METTL15: variants seen among roughly 807,000 people sequenced by gnomAD.
The protein encoded by METTL15 is 12S rRNA N(4)-cytidine methyltransferase METTL15.
A neutral mutation model predicts 38.3 loss-of-function variants in METTL15; 34 were observed. The ratio of observed to expected loss-of-function variants is 0.89; its 90% confidence interval spans 0.68 to 1.18. The LOEUF (loss-of-function observed/expected upper bound fraction) is 1.18. Ranked by LOEUF, METTL15 falls within the 50% of genes most tolerant of loss-of-function variation. METTL15 has a pLI of 0.00. For synonymous variants in METTL15, 162 were observed against 170.9 expected (o/e 0.95, Z 0.41); for missense variants, 438 against 498.4 (o/e 0.88, Z 1.15).
chr11:28,159,398 A>G (rs953120933), intron 3 of METTL15, among the ~76,000 whole-genome samples: 1 of 151,982 alleles, frequency 6.6e-6, no homozygotes. Flanking sequence ...AGGCAGGACT[A>G]CAAGTGATCC....
At chr11:28,386,491 T>C (rs906398749) in intron 5 of METTL15, among the ~76,000 whole-genome samples, 2 of 151,918 alleles carry the variant, frequency 1.3e-5, no homozygotes, top group Admixed American at 6.6e-5. Context: ...AGAAAAACAT[T>C]ATATAATGAT....
At chr11:28,214,160 A>G (rs1445622774) in intron 4 of METTL15, among the ~76,000 whole-genome samples, 1 of 151,976 alleles carries the variant, frequency 6.6e-6, no homozygotes, top group Non-Finnish European at 1.5e-5. Context: ...CTTCTGCCTC[A>G]GCCTCTCAAG....
chr11:28,519,303 C>T (rs1851744360), intron 6 of METTL15: 1 of 152,318 alleles, frequency 6.6e-6, no homozygotes, highest in Non-Finnish European at 1.5e-5. Flanking sequence ...CGCCTGTAAT[C>T]CCAGCACTTC....
chr11:28,222,617 G>A (rs191793932), intron 4 of METTL15, among the ~76,000 whole-genome samples: 1 of 152,296 alleles, frequency 6.6e-6, no homozygotes, highest in African/African-American at 2.4e-5. Context: ...AGTTGGAAGT[G>A]CAGAAATCAT....
At chr11:28,256,839 A>G (rs1296600147) in intron 4 of METTL15, among the ~76,000 whole-genome samples, 1 of 152,070 alleles carries the variant, frequency 6.6e-6, no homozygotes, top group Non-Finnish European at 1.5e-5. Flanking sequence ...AGGCATTTAC[A>G]GCTGTAAAAT....
At chr11:28,457,985 C>T (rs1163697851) in intron 6 of METTL15, among the ~76,000 whole-genome samples, 1 of 152,068 alleles carries the variant, frequency 6.6e-6, no homozygotes, top group East Asian at 1.9e-4. Context: ...TGTAAAGCTC[C>T]CCCTCAGGGC....
At chr11:28,376,548 C>A (rs573356568) in intron 5 of METTL15, among the ~76,000 whole-genome samples, 1 of 152,090 alleles carries the variant, frequency 6.6e-6, no homozygotes, top group Non-Finnish European at 1.5e-5. Context: ...TTATTTTGAG[C>A]CTATGTGTGT....
At chr11:28,390,715 CTT>C (rs1020207180) in intron 5 of METTL15, among the ~76,000 whole-genome samples, 3 of 152,092 alleles carry the variant, frequency 2.0e-5, no homozygotes, top group African/African-American at 7.2e-5. Context: ...AATGCGGACT[CTT>C]TTTTGGTTCC....
At position 28,505,239 on chromosome 11, in the gene METTL15, A is replaced by G. The variant is rs537321456; in HGVS notation, c.*425-21239A>G. ...GTATATTTTTCTTGAATGAAGATCT[A>G]TCACTTTCATGAAATTCTCAAATAG... On this transcript the variant is annotated intron_variant and NMD_transcript_variant, in intron 6 of 7. Transcript: ENST00000532947. Among the ~76,000 whole-genome samples, 14 of 152,300 alleles carry G rather than the reference A, an allele frequency of 9.2e-5. No homozygotes were observed. The South Asian group carries it at 1.0e-3, about 11-fold the overall frequency.
At chr11:28,315,409 C>G (rs1857443868) in intron 6 of METTL15, among the ~76,000 whole-genome samples, 1 of 152,098 alleles carries the variant, frequency 6.6e-6, no homozygotes, top group African/African-American at 2.4e-5. Context: ...ATTTAGCGTA[C>G]CTGGGGGAAG....
rs1416732735 is a variant in METTL15 at position 28,332,674 on chromosome 11, G to A, written c.*1833G>A. ...GGTGTTCCTTATAAGAGAAGATAGG[G>A]CGGGCATGGTGGCTCACGCCTGTAA... On this transcript the variant is annotated 3_prime_UTR_variant, in exon 7 of 7. Transcript: ENST00000407364. 6.0e-5 allele frequency: 9 copies of A among 150,546 alleles called. No homozygotes were observed. The highest frequency in any genetic ancestry group is 1.2e-4 in the Non-Finnish European group (8 of 67,834). 9.3% of individuals were successfully genotyped at this position (150,546 alleles called of 1,614,324 possible).
intron 4 of METTL15, among the ~76,000 whole-genome samples, chr11:28,259,339 C>T (rs1197074985): frequency 6.6e-6 from 1 of 151,978 alleles, no homozygotes; most frequent in Non-Finnish European, 1.5e-5. Flanking sequence ...TGTAGCCTAG[C>T]GTTAGGGGAG....
intron 5 of METTL15, among the ~76,000 whole-genome samples, chr11:28,418,215 C>T (rs1401076188): frequency 6.6e-6 from 1 of 152,122 alleles, no homozygotes; most frequent in Admixed American, 6.5e-5. Flanking sequence ...ACTGGGAAAC[C>T]AGACAATCAC....
chr11:28,146,137 C>T lies in METTL15; in HGVS notation c.270+32533C>T, dbSNP rs549314524. Among the ~76,000 whole-genome samples, 3 of 152,162 alleles carry T rather than the reference C, an allele frequency of 2.0e-5. No homozygotes were observed. The South Asian group carries it at 6.2e-4, about 31-fold the overall frequency. ...TATTTTCATTGTTTTGTTAACAAATCAAACTTTTCAAGCTATTTCTGACTG... is the reference window on the plus strand; with the variant it reads ...TATTTTCATTGTTTTGTTAACAAATTAAACTTTTCAAGCTATTTCTGACTG... On this transcript the variant is annotated intron_variant, in intron 3 of 6. Transcript: ENST00000407364.
intron 4 of METTL15, among the ~76,000 whole-genome samples, chr11:28,243,165 A>G (rs959670184): frequency 1.3e-5 from 2 of 152,132 alleles, no homozygotes; most frequent in Non-Finnish European, 2.9e-5. Context: ...TTTTAAAGAT[A>G]AATGCCAAAG....
At chr11:28,360,071 T>G (rs1198738072) in intron 4 of METTL15, among the ~76,000 whole-genome samples, 3 of 152,134 alleles carry the variant, frequency 2.0e-5, no homozygotes, top group African/African-American at 7.2e-5. Flanking sequence ...GGAAGGGGCC[T>G]TAAGAGAGTG....
chr11:28,183,166 A>G (rs1159736562), intron 3 of METTL15, among the ~76,000 whole-genome samples: 2 of 152,016 alleles, frequency 1.3e-5, no homozygotes, highest in Non-Finnish European at 2.9e-5. Flanking sequence ...GGCTGAGATG[A>G]TGGGATTTTC....
intron 4 of METTL15, among the ~76,000 whole-genome samples, chr11:28,353,500 A>G (rs1850059868): frequency 6.6e-6 from 1 of 152,208 alleles, no homozygotes; most frequent in African/African-American, 2.4e-5. Flanking sequence ...TCAAAACAAG[A>G]GTGCCTACCA....
chr11:28,159,000 G>A (rs1850358433), intron 3 of METTL15, among the ~76,000 whole-genome samples: 1 of 152,064 alleles, frequency 6.6e-6, no homozygotes, highest in African/African-American at 2.4e-5. Flanking sequence ...AGTGGAAGTG[G>A]CACCACTTAC....
Sources: gnomAD v4.1 joint callset for allele counts (sites outside exome capture counted in the v4.1 genomes callset) on GRCh38, gnomAD v4.1.1 for gene constraint, MANE v1.5 for transcripts, NCBI Gene and HGNC (gene_info 2026-07-23, HGNC 2026-07-21) for gene names.